LIPC: variants seen among roughly 807,000 people sequenced by gnomAD.
LIPC encodes the protein hepatic triacylglycerol lipase.
A neutral mutation model predicts 50.7 loss-of-function variants in LIPC; 44 were observed. The observed-to-expected ratio is 0.87, with a 90% confidence interval of 0.68 to 1.11. The LOEUF (loss-of-function observed/expected upper bound fraction) is 1.11, where lower values mean the gene tolerates loss of function less well. Ranked by LOEUF, LIPC falls within the 50% of genes most tolerant of loss-of-function variation. LIPC has a pLI of 0.00. For synonymous variants in LIPC, 271 were observed against 256.4 expected (o/e 1.06, Z -0.54); for missense variants, 697 against 648.2 (o/e 1.08, Z -0.82).
At chr15:58,563,460 G>A (rs373123625) in intron 7 of LIPC, 45 bp from the exon 8 acceptor site, 7 of 1,509,056 alleles carry the variant, frequency 4.6e-6, no homozygotes, top group South Asian at 2.3e-5. Context: ...TCACTTTGCT[G>A]TTACGACTAA....
intron 8 of LIPC, chr15:58,565,472 G>A (rs1894335118): frequency 9.3e-6 from 13 of 1,404,566 alleles, no homozygotes; most frequent in South Asian, 1.6e-5. Flanking sequence ...CCCTTCCAGG[G>A]CTCCCACACG....
chr15:58,440,491 C>T (rs1272235798), intron 1 of LIPC, among the ~76,000 whole-genome samples: 1 of 152,112 alleles, frequency 6.6e-6, no homozygotes, highest in Non-Finnish European at 1.5e-5. Flanking sequence ...TTAAACTGTC[C>T]GCTGTGTACC....
chr15:58,491,426 T>C (rs1419961973), intron 1 of LIPC, among the ~76,000 whole-genome samples: 1 of 152,164 alleles, frequency 6.6e-6, no homozygotes, highest in East Asian at 1.9e-4. Context: ...TATAATACTA[T>C]CTTGGTTGTC....
intron 1 of LIPC, among the ~76,000 whole-genome samples, chr15:58,516,237 C>A: frequency 2.2e-5 from 1 of 45,164 alleles, no homozygotes; most frequent in South Asian, 1.1e-3. Context: ...CCTCTAGCTT[C>A]TTTTTTTTTT....
intron 1 of LIPC, among the ~76,000 whole-genome samples, chr15:58,537,553 G>A (rs528281990): frequency 6.6e-6 from 1 of 152,092 alleles, no homozygotes; most frequent in Non-Finnish European, 1.5e-5. Context: ...GGCCCTCCAT[G>A]CTCTGGCCTG....
chr15:58,511,609 G>A lies in LIPC; in HGVS notation c.89-26724G>A, dbSNP rs550759170. On this transcript the variant is annotated intron_variant, in intron 1 of 8. Coordinates refer to ENST00000299022, the MANE Select transcript of LIPC (RefSeq NM_000236.3). ...CACCCTGCTGGTTTGCATGAGCAAA[G>A]CTAAATTGGCGCTGACAACTGGCAA... Among the ~76,000 whole-genome samples the A allele has an allele frequency of 3.3e-5, 5 of 152,346 alleles. No individual in the cohort carries two copies. The South Asian group carries it at 8.3e-4, about 25-fold the overall frequency.
chr15:58,538,580 G>T, intron 2 of LIPC, 63 bp downstream of exon 2: 1 of 1,502,226 alleles, frequency 6.7e-7, no homozygotes. Context: ...TCTTTCTAGC[G>T]TGTTCATGTT....
At chr15:58,528,104 C>T (rs552585941) in intron 1 of LIPC, among the ~76,000 whole-genome samples, 25 of 148,516 alleles carry the variant, frequency 1.7e-4, no homozygotes, top group African/African-American at 6.0e-4. Flanking sequence ...CACCCCATTG[C>T]ACTCCAGCCT....
intron 1 of LIPC, among the ~76,000 whole-genome samples, chr15:58,486,612 A>C (rs913398459): frequency 6.6e-6 from 1 of 152,224 alleles, no homozygotes; most frequent in African/African-American, 2.4e-5. Flanking sequence ...CAGACTCAGC[A>C]TATTTAGGAG....
Position 58,444,558 on chromosome 15 carries a change from G to A in LIPC, c.88+12438G>A, listed in dbSNP as rs1164812458. Among the ~76,000 whole-genome samples, 6 of 152,088 alleles carry A rather than the reference G, an allele frequency of 3.9e-5. No individual in the cohort carries two copies. The East Asian group carries it at 7.7e-4, about 20-fold the overall frequency. ...CTGAGGTCAAGGGGTCAGCAGGGTG[G>A]GTTTCTTCTGAGGCCTCTCTCCTTG... On this transcript the variant is annotated intron_variant, in intron 1 of 8. Transcript: ENST00000299022.
At chr15:58,565,752 C>T (rs1464778626) in intron 8 of LIPC, 17 of 990,758 alleles carry the variant, frequency 1.7e-5, no homozygotes, top group Non-Finnish European at 1.8e-5. Flanking sequence ...TCTAATCTAG[C>T]AGAGTTGCAG....
chr15:58,481,147 G>T (rs1006289320), intron 1 of LIPC, among the ~76,000 whole-genome samples: 3 of 152,186 alleles, frequency 2.0e-5, no homozygotes, highest in African/African-American at 7.2e-5. Context: ...GTCTTCTGTA[G>T]AAAGTTTGCT....
intron 1 of LIPC, among the ~76,000 whole-genome samples, chr15:58,511,591 C>A (rs1892332020): frequency 1.3e-5 from 2 of 152,178 alleles, no homozygotes; most frequent in South Asian, 4.1e-4. Context: ...GGGCACCCTG[C>A]TGGTTTGCAT....
At chr15:58,549,253 C>A (rs1046337412) in intron 6 of LIPC, among the ~76,000 whole-genome samples, 2 of 152,218 alleles carry the variant, frequency 1.3e-5, no homozygotes, top group Non-Finnish European at 2.9e-5. Context: ...ACATCTGTTG[C>A]CATTAACATT....
chr15:58,448,242 C>G (rs893626170), intron 1 of LIPC, among the ~76,000 whole-genome samples: 2 of 152,178 alleles, frequency 1.3e-5, no homozygotes, highest in Admixed American at 6.5e-5. Flanking sequence ...CTCTTCAAGT[C>G]CCTTCCTGTC....
intron 1 of LIPC, among the ~76,000 whole-genome samples, chr15:58,482,653 T>C (rs1357313200): frequency 3.3e-5 from 5 of 152,154 alleles, no homozygotes; most frequent in Admixed American, 6.5e-5. Context: ...CTGAGCAGTG[T>C]TCCTGGGCAC....
intron 1 of LIPC, among the ~76,000 whole-genome samples, chr15:58,485,533 G>A (rs1891345241): frequency 1.5e-5 from 2 of 135,016 alleles, no homozygotes; most frequent in South Asian, 5.0e-4. Context: ...TCGGGCTAAG[G>A]GCTGTTTCCT....
intron 1 of LIPC, chr15:58,522,780 AG>A (rs1892694874): frequency 1.3e-5 from 2 of 152,582 alleles, no homozygotes; most frequent in South Asian, 4.1e-4. Context: ...GTCCCCTTGC[AG>A]AGCCCATCCC....
At chr15:58,469,667 C>G (rs1251002905) in intron 1 of LIPC, among the ~76,000 whole-genome samples, 1 of 152,202 alleles carries the variant, frequency 6.6e-6, no homozygotes, top group East Asian at 1.9e-4. Flanking sequence ...GGAGGACTGG[C>G]CACCAGGCTT....
Sources: gnomAD v4.1 joint callset for allele counts (sites outside exome capture counted in the v4.1 genomes callset) on GRCh38, gnomAD v4.1.1 for gene constraint, MANE v1.5 for transcripts, NCBI Gene and HGNC (gene_info 2026-07-23, HGNC 2026-07-21) for gene names.